Variants in TENM2 observed in about 807,000 individuals in gnomAD.
The protein encoded by TENM2 is teneurin-2.
Under a neutral mutation model 245.2 loss-of-function variants are expected in TENM2, and 52 were observed. The ratio of observed to expected loss-of-function variants is 0.21; its 90% confidence interval spans 0.17 to 0.27. The LOEUF is 0.27. TENM2 is among the 10% of genes least tolerant of loss of function. The pLI is 1.00. For missense variants in TENM2, 3,046 were observed against 3,666.8 expected, an observed-to-expected ratio of 0.83 and a Z score of 4.37; for synonymous variants, 1,363 against 1,438.9, an observed-to-expected ratio of 0.95 and a Z score of 1.19.
chr5:167,351,845 C>CA (rs1428353427), intron 1 of TENM2, among the ~76,000 whole-genome samples: 10 of 94,692 alleles, frequency 1.1e-4, no homozygotes, highest in South Asian at 4.0e-4. Context: ...GGAACAAAAA[C>CA]AAAAAAACAA....
intron 1 of TENM2, among the ~76,000 whole-genome samples, chr5:167,359,425 GT>G (rs1759561444): frequency 6.6e-6 from 1 of 152,040 alleles, no homozygotes; most frequent in Admixed American, 6.6e-5. Flanking sequence ...TACTTAAGTA[GT>G]TTTTTTAAAG....
At chr5:168,056,362 AT>A (rs1437184252) in intron 6 of TENM2, among the ~76,000 whole-genome samples, 1 of 152,170 alleles carries the variant, frequency 6.6e-6, no homozygotes, top group Non-Finnish European at 1.5e-5. Flanking sequence ...ATACACACTC[AT>A]TTTCAAGATT....
At chr5:167,303,148 C>T (rs1203875636) in intron 1 of TENM2, 2 of 168,568 alleles carry the variant, frequency 1.2e-5, no homozygotes, top group Non-Finnish European at 2.4e-5. Context: ...TGAGATGTTC[C>T]TTGGGCTGGT....
At chr5:167,501,384 G>A (rs909282926) in intron 2 of TENM2, among the ~76,000 whole-genome samples, 3 of 151,994 alleles carry the variant, frequency 2.0e-5, no homozygotes, top group African/African-American at 7.2e-5. Context: ...CTTCTCTACC[G>A]TGGCAACCAG....
chr5:168,235,586 G>A (rs1169646677), intron 25 of TENM2, among the ~76,000 whole-genome samples: 16 of 152,284 alleles, frequency 1.1e-4, no homozygotes, highest in Non-Finnish European at 5.9e-5. Context: ...ACGGGTGGAT[G>A]ACCTGAGGTC....
rs747603141 is a variant in TENM2 at position 167,703,530 on chromosome 5, C to CAAA, written c.503-172441_503-172439dup. Among the ~76,000 whole-genome samples the CAAA allele has an allele frequency of 8.3e-4, 81 of 97,174 alleles. 2 individuals are homozygous for CAAA. Among genetic ancestry groups the CAAA allele is most frequent in the African/African-American group, 2.2e-3 (67 of 31,074 alleles). The allele number at this position is 97,174 out of a possible 152,430, so 63.7% of individuals were successfully genotyped here. A position where few individuals can be genotyped will look rare whatever the true frequency, so the allele number is the denominator to read the frequency against. On this transcript the variant is annotated intron_variant, in intron 2 of 28. Transcript: ENST00000518659. ...CTGGGTGACAAGAGTGAAACCATCT[C>CAAA]AAAAAAAAAAAAAAAAAGGCTACAT...
chr5:167,170,702 G>A, the TENM2 span, among the ~76,000 whole-genome samples: 12 of 151,944 alleles, frequency 7.9e-5, no homozygotes, highest in South Asian at 1.0e-3. Context: ...ATCCCTCTTC[G>A]TTTTCTGTTG....
intron 5 of TENM2, among the ~76,000 whole-genome samples, chr5:168,023,945 T>C (rs79078287): frequency 0.18 from 27,275 of 152,138 alleles, 2,628 homozygotes; most frequent in Admixed American, 0.29. Context: ...CAATCATGCA[T>C]AAAAACTGTG....
rs534359326 is a variant in TENM2, at chr5:168,259,588, A to C, written c.7433-695A>C. ...GGGCAACAGAGCAAGACTCCATCTC[A>C]AAAAAAAAGAGAGTAGGAAGGCTGG... is the stretch of plus-strand genomic sequence containing the variant. On this transcript the variant is annotated intron_variant, in intron 27 of 28. Transcript: ENST00000518659. Among the ~76,000 whole-genome samples, 11 of 151,476 alleles carry C rather than the reference A, an allele frequency of 7.3e-5. No homozygotes were observed. The East Asian group carries it at 2.1e-3, about 29-fold the overall frequency.
At chr5:167,717,453 G>T (rs1197337001) in intron 2 of TENM2, among the ~76,000 whole-genome samples, 4 of 152,138 alleles carry the variant, frequency 2.6e-5, no homozygotes, top group Non-Finnish European at 4.4e-5. Context: ...AACCTGGGTT[G>T]TATGTGAAAG....
chr5:167,503,872 C>T (rs757218366), intron 2 of TENM2, among the ~76,000 whole-genome samples: 9 of 151,930 alleles, frequency 5.9e-5, no homozygotes, highest in South Asian at 2.1e-4. Context: ...CCAGCCTGGG[C>T]GACAGAGTCT....
chr5:167,781,070 G>C (rs941890891), intron 2 of TENM2, among the ~76,000 whole-genome samples: 8 of 152,120 alleles, frequency 5.3e-5, no homozygotes, highest in East Asian at 1.9e-4. Context: ...AAGCACTTTG[G>C]GGGGCTGAGG....
intron 13 of TENM2, among the ~76,000 whole-genome samples, chr5:168,164,909 C>T (rs1332878475): frequency 6.6e-6 from 1 of 152,260 alleles, no homozygotes; most frequent in African/African-American, 2.4e-5. Context: ...AAGTCAGCCA[C>T]TGCCTTCATG....
At chr5:167,266,536 T>C in the TENM2 span, among the ~76,000 whole-genome samples, 1 of 152,168 alleles carries the variant, frequency 6.6e-6, no homozygotes, top group Non-Finnish European at 1.5e-5. Context: ...GGAGATAACA[T>C]GTATCGGTGA....
At chr5:167,051,567 C>A in the TENM2 span, among the ~76,000 whole-genome samples, 12 of 152,090 alleles carry the variant, frequency 7.9e-5, no homozygotes, top group African/African-American at 2.2e-4. Context: ...ATGGAAAACT[C>A]TATTCGCATT....
At chr5:167,445,677 A>C (rs1455003309) in intron 2 of TENM2, among the ~76,000 whole-genome samples, 1 of 152,166 alleles carries the variant, frequency 6.6e-6, no homozygotes, top group Non-Finnish European at 1.5e-5. Context: ...GCAGTGTAAA[A>C]AAGGCAGGAT....
At chr5:167,754,501 G>A (rs17069140) in intron 2 of TENM2, among the ~76,000 whole-genome samples, 1,623 of 152,146 alleles carry the variant, frequency 0.011, 109 homozygotes, top group Admixed American at 0.093. Flanking sequence ...TATAGCATCC[G>A]TCAACAGGAA....
At position 167,900,573 on chromosome 5, in the gene TENM2, G is replaced by A. The variant is rs762530145; in HGVS notation, c.712+24378G>A. Among the ~76,000 whole-genome samples, 11 of 152,166 alleles carry A rather than the reference G, an allele frequency of 7.2e-5. 1 individual carries two copies. The highest frequency in any genetic ancestry group is 1.5e-4 in the Non-Finnish European group (10 of 68,026). On this transcript the variant is annotated intron_variant, in intron 3 of 28. Transcript: ENST00000518659. ...TCATTTCTCATGTTTGGAAGTGAAA[G>A]TTGGCTGTGAGAATTCATCGAAAAT... is the stretch of plus-strand genomic sequence containing the variant.
At chr5:167,814,615 G>A (rs1177100714) in intron 2 of TENM2, among the ~76,000 whole-genome samples, 1 of 150,628 alleles carries the variant, frequency 6.6e-6, no homozygotes, top group Admixed American at 6.6e-5. Flanking sequence ...GCACATGGTT[G>A]AAGTATTTTA....
Sources: allele counts gnomAD v4.1 joint callset (sites outside exome capture counted in the v4.1 genomes callset), GRCh38; gene constraint gnomAD v4.1.1; transcripts MANE v1.5; gene names NCBI Gene and HGNC (gene_info 2026-07-23, HGNC 2026-07-21).